ADAM22: variants seen among roughly 807,000 people sequenced by gnomAD.
The protein encoded by ADAM22 is disintegrin and metalloproteinase domain-containing protein 22.
ADAM22 carries 65 observed loss-of-function variants against 144.6 expected under a neutral mutation model. The observed-to-expected ratio is 0.45, with a 90% CI of 0.37 to 0.55. The LOEUF (loss-of-function observed/expected upper bound fraction) is 0.55. Among genes scored for constraint, ADAM22 ranks in the 20% least tolerant of loss-of-function variants. The pLI is 0.00. For synonymous variants in ADAM22, 391 were observed against 412.6 expected (o/e 0.95, Z 0.63); for missense variants, 974 against 1,184.9 (o/e 0.82, Z 2.61).
intron 3 of ADAM22, among the ~76,000 whole-genome samples, chr7:88,055,659 A>C (rs1182908347): frequency 1.3e-5 from 2 of 152,222 alleles, no homozygotes; most frequent in African/African-American, 4.8e-5. Flanking sequence ...CATGGTGTGA[A>C]GATAACTCGG....
At chr7:88,083,667 T>C (rs921754898) in intron 4 of ADAM22, among the ~76,000 whole-genome samples, 1 of 150,258 alleles carries the variant, frequency 6.7e-6, no homozygotes, top group African/African-American at 2.5e-5. Context: ...TTCCAGACTT[T>C]AGGACATTTT....
chr7:88,034,080 C>T (rs1800930495), intron 3 of ADAM22, among the ~76,000 whole-genome samples: 1 of 152,174 alleles, frequency 6.6e-6, no homozygotes, highest in South Asian at 2.1e-4. Flanking sequence ...ACAAAGCCCC[C>T]TTTACTCTTC....
intron 3 of ADAM22, among the ~76,000 whole-genome samples, chr7:88,005,794 A>C (rs1247863131): frequency 6.6e-6 from 1 of 152,218 alleles, no homozygotes; most frequent in Non-Finnish European, 1.5e-5. Context: ...TTTTAAGAAA[A>C]AAATATAAAA....
intron 2 of ADAM22, among the ~76,000 whole-genome samples, chr7:87,954,922 C>G (rs565965694): frequency 6.6e-6 from 1 of 152,172 alleles, no homozygotes. Context: ...TCCAGTTGAT[C>G]GCATCGGCTC....
At chr7:87,958,852 T>G (rs184994508) in intron 2 of ADAM22, among the ~76,000 whole-genome samples, 6 of 152,312 alleles carry the variant, frequency 3.9e-5, no homozygotes, top group Admixed American at 3.9e-4. Flanking sequence ...TGTCTTTTTC[T>G]TGTCGATTTT....
At chr7:88,105,133 T>G (rs185513560) in intron 4 of ADAM22, among the ~76,000 whole-genome samples, 4 of 152,336 alleles carry the variant, frequency 2.6e-5, no homozygotes, top group African/African-American at 9.6e-5. Context: ...TAAAATAGTA[T>G]GCTTTGACAT....
chr7:88,173,064 G>A (rs1002529938), intron 26 of ADAM22, among the ~76,000 whole-genome samples: 5 of 152,036 alleles, frequency 3.3e-5, no homozygotes, highest in African/African-American at 9.7e-5. Context: ...CATAAGCAAA[G>A]CTAGCACAGT....
intron 3 of ADAM22, among the ~76,000 whole-genome samples, chr7:88,055,780 C>G (rs1352992521): frequency 2.0e-5 from 3 of 152,166 alleles, no homozygotes; most frequent in African/African-American, 7.2e-5. Flanking sequence ...TTTCATAACG[C>G]TTTTCGTTTA....
chr7:88,096,177 C>T (rs1246568225), intron 4 of ADAM22, among the ~76,000 whole-genome samples: 4 of 151,962 alleles, frequency 2.6e-5, no homozygotes, highest in East Asian at 3.9e-4. Flanking sequence ...CTCGCCTCAG[C>T]GTCCCAAAGT....
chr7:88,117,660 TGCTTC>T (rs1420989917), intron 7 of ADAM22, among the ~76,000 whole-genome samples: 1 of 152,018 alleles, frequency 6.6e-6, no homozygotes, highest in African/African-American at 2.4e-5. Context: ...GGTATGGAGA[TGCTTC>T]CTCCACTATT....
intron 3 of ADAM22, among the ~76,000 whole-genome samples, chr7:87,979,712 G>T (rs1370805811): frequency 2.0e-5 from 3 of 152,082 alleles, no homozygotes; most frequent in Non-Finnish European, 4.4e-5. Flanking sequence ...TAAACTCCAG[G>T]CTGGGAGTCA....
chr7:87,959,572 G>C (rs958795334), intron 2 of ADAM22, among the ~76,000 whole-genome samples: 1 of 152,168 alleles, frequency 6.6e-6, no homozygotes, highest in Non-Finnish European at 1.5e-5. Context: ...CAAAAACATA[G>C]CTACCAGATT....
At chr7:88,139,418 CTAAATAAATAAATAAATAAA>C (rs35764191) in intron 14 of ADAM22, among the ~76,000 whole-genome samples, 3 of 146,158 alleles carry the variant, frequency 2.1e-5, no homozygotes, top group South Asian at 2.2e-4. Flanking sequence ...GACTCCATCT[CTAAATAAATAAATAAATAAA>C]TAAATAAATA....
At chr7:88,007,174 A>G (rs932914595) in intron 3 of ADAM22, among the ~76,000 whole-genome samples, 3 of 152,238 alleles carry the variant, frequency 2.0e-5, no homozygotes, top group Non-Finnish European at 4.4e-5. Flanking sequence ...TGAGATACTT[A>G]GGAATCCAAC....
intron 3 of ADAM22, among the ~76,000 whole-genome samples, chr7:87,985,313 A>G (rs988398383): frequency 6.9e-6 from 1 of 144,984 alleles, no homozygotes; most frequent in Non-Finnish European, 1.5e-5. Flanking sequence ...ACTCCATCTC[A>G]AAAAAAAAAA....
intron 3 of ADAM22, among the ~76,000 whole-genome samples, chr7:88,019,097 C>T (rs1212266533): frequency 2.0e-5 from 3 of 151,256 alleles, no homozygotes. Flanking sequence ...AGCTTCAAAA[C>T]TATTCCTTTT....
chr7:87,949,467 A>G (rs1469186675), intron 2 of ADAM22, among the ~76,000 whole-genome samples: 1 of 152,216 alleles, frequency 6.6e-6, no homozygotes, highest in African/African-American at 2.4e-5. Context: ...ACAAAAATAA[A>G]TTCAAGCTAT....
intron 3 of ADAM22, among the ~76,000 whole-genome samples, chr7:88,015,315 A>T (rs2129461178): frequency 6.6e-6 from 1 of 152,328 alleles, no homozygotes; most frequent in Middle Eastern, 3.4e-3. Flanking sequence ...CCAGAGGTAG[A>T]AAGAGAATAG....
At chr7:88,052,380 G>T (rs1019525974) in intron 3 of ADAM22, among the ~76,000 whole-genome samples, 31 of 151,296 alleles carry the variant, frequency 2.0e-4, no homozygotes, top group Non-Finnish European at 4.3e-4. Context: ...GTGGTGGCGG[G>T]CACCTGTAGT....
Sources: allele counts gnomAD v4.1 joint callset (sites outside exome capture counted in the v4.1 genomes callset), GRCh38; gene constraint gnomAD v4.1.1; transcripts MANE v1.5; gene names NCBI Gene and HGNC (gene_info 2026-07-23, HGNC 2026-07-21).